The following HCLS1 variants were observed in gnomAD, a reference collection of about 807,000 sequenced individuals.
The protein encoded by HCLS1 is hematopoietic cell-specific Lyn substrate 1, also known as hematopoietic lineage cell-specific protein.
In HCLS1, 44 loss-of-function variants were observed where a neutral mutation model predicts 68.6. That is an observed-to-expected ratio of 0.64 (90% CI 0.50 to 0.82). HCLS1 has a LOEUF of 0.82. HCLS1 is among the 40% of genes least tolerant of loss of function. The pLI, the probability that HCLS1 is intolerant of heterozygous loss-of-function variation, is 0.00. For missense variants in HCLS1, 602 were observed against 612.1 expected (o/e 0.98, Z 0.17); for synonymous variants, 217 against 225.8 (o/e 0.96, Z 0.35).
intron 3 of HCLS1, among the ~76,000 whole-genome samples, chr3:121,656,450 G>A (rs1433870158): frequency 6.6e-6 from 1 of 152,200 alleles, no homozygotes; most frequent in African/African-American, 2.4e-5. Flanking sequence ...GTCCTGGTTA[G>A]ATGATCCTGA....
intron 9 of HCLS1, among the ~76,000 whole-genome samples, chr3:121,635,188 CTCTT>C (rs1216493349): frequency 1.6e-4 from 24 of 151,690 alleles, no homozygotes; most frequent in Non-Finnish European, 3.1e-4. Context: ...TTGACTTTCT[CTCTT>C]TCTTTCTTTT....
chr3:121,631,801 C>A lies in HCLS1; in HGVS notation c.*45G>T. 6.2e-7 allele frequency: 1 copy of A among 1,609,714 alleles called. No individual in the cohort carries two copies. Among genetic ancestry groups the A allele is most frequent in the Non-Finnish European group, 8.5e-7 (1 of 1,176,566 alleles). ...TAGGGAGGGGGTGGAGGCAGAGCCA[C>A]TTTGGACATGGGAAATCACAGTTGC... On this transcript the variant is annotated 3_prime_UTR_variant, in exon 14 of 14. Coordinates refer to ENST00000314583, the MANE Select transcript of HCLS1 (RefSeq NM_005335.6).
At chr3:121,652,590 G>A (rs1168329997) in intron 3 of HCLS1, among the ~76,000 whole-genome samples, 1 of 152,038 alleles carries the variant, frequency 6.6e-6, no homozygotes, top group Non-Finnish European at 1.5e-5. Flanking sequence ...GGAGGCAGAG[G>A]CGGAGGTTTC....
At position 121,644,765 on chromosome 3, in the gene HCLS1, G is replaced by A. The variant is rs780025745; in HGVS notation, c.399+53C>T. The A allele has an allele frequency of 3.2e-6, 4 of 1,266,056 alleles. No homozygotes were observed. In the African/African-American group the frequency reaches 4.4e-5, roughly 14 times the overall value. The allele number at this position is 1,266,056 out of a possible 1,614,324, so 78.4% of individuals were successfully genotyped here. A position where few individuals can be genotyped will look rare whatever the true frequency, so the allele number is the denominator to read the frequency against. ...TGCCTCCATCCAGGGGTGATCGTGGGCAATTTTCACAGGACTGGAGGTGGG... is the reference window on the plus strand; with the variant it reads ...TGCCTCCATCCAGGGGTGATCGTGGACAATTTTCACAGGACTGGAGGTGGG... On this transcript the variant is annotated intron_variant, in intron 5 of 13. Transcript: ENST00000314583.
chr3:121,633,536 T>C (rs1370122225), intron 10 of HCLS1, among the ~76,000 whole-genome samples: 3 of 150,798 alleles, frequency 2.0e-5, no homozygotes, highest in African/African-American at 7.3e-5. Flanking sequence ...TTCATTCTTT[T>C]TATTTTATTT....
intron 7 of HCLS1, among the ~76,000 whole-genome samples, chr3:121,636,748 T>C (rs1444441911): frequency 2.0e-5 from 3 of 151,700 alleles, no homozygotes; most frequent in Admixed American, 2.0e-4. Flanking sequence ...GTAAAAGAAA[T>C]AGGAAAAAAT....
chr3:121,639,227 T>G (rs577433573), intron 6 of HCLS1, among the ~76,000 whole-genome samples: 1 of 152,214 alleles, frequency 6.6e-6, no homozygotes, highest in Non-Finnish European at 1.5e-5. Flanking sequence ...TTGACTCTTA[T>G]ACAACACTAT....
intron 4 of HCLS1, among the ~76,000 whole-genome samples, chr3:121,646,295 TA>T (rs1289935719): frequency 9.3e-6 from 1 of 107,922 alleles, no homozygotes; most frequent in Non-Finnish European, 1.7e-5. Context: ...TTATGTATTA[TA>T]TTTTATATAC....
chr3:121,643,739 A>C (rs1029885173), intron 5 of HCLS1: 1 of 152,226 alleles, frequency 6.6e-6, no homozygotes, highest in Non-Finnish European at 1.5e-5. Flanking sequence ...TTAAGAACTA[A>C]TTAACATGTA....
Position 121,645,615 on chromosome 3 carries a change from C to A in HCLS1, c.289-687G>T, listed in dbSNP as rs547389142. 4.9e-4 allele frequency among the ~76,000 whole-genome samples: 74 copies of A among 152,178 alleles called. 1 individual carries two copies. In the South Asian group the frequency reaches 0.015, roughly 31 times the overall value. ...AGTTACAATGTGGTTGGGGCTACAA[C>A]AGGCCAGCAGTTCTAATATCTTGGT... On this transcript the variant is annotated intron_variant, in intron 4 of 13. Transcript: ENST00000314583.
chr3:121,632,256 C>T (rs1027451029), intron 12 of HCLS1, 72 bp from the exon 13 acceptor site: 15 of 1,599,340 alleles, frequency 9.4e-6, no homozygotes, highest in Admixed American at 1.7e-5. Context: ...CCTACTGGGG[C>T]AATAGAGAAA....
chr3:121,633,038 G>T, intron 11 of HCLS1, 29 bp downstream of exon 11: 1 of 1,454,908 alleles, frequency 6.9e-7, no homozygotes, highest in Non-Finnish European at 9.6e-7. Context: ...GATGGGGTGG[G>T]GGCAGAGAAT....
chr3:121,646,017 A>G (rs1286359878), intron 4 of HCLS1, among the ~76,000 whole-genome samples: 2 of 132,624 alleles, frequency 1.5e-5, no homozygotes, highest in Non-Finnish European at 3.1e-5. Flanking sequence ...ATTTATAAAT[A>G]ATTATATAAG....
At chr3:121,645,994 T>C (rs1422927627) in intron 4 of HCLS1, among the ~76,000 whole-genome samples, 1 of 134,584 alleles carries the variant, frequency 7.4e-6, no homozygotes, top group East Asian at 2.1e-4. Context: ...TAATAATATA[T>C]ATTTATAAAT....
At chr3:121,655,987 T>G (rs1937859710) in intron 3 of HCLS1, 1 of 151,932 alleles carries the variant, frequency 6.6e-6, no homozygotes, top group Non-Finnish European at 1.5e-5. Flanking sequence ...TAGCTGGGAT[T>G]ACAGGTGCCC....
intron 9 of HCLS1, 140 bp from the exon 10 acceptor site, chr3:121,634,558 AG>A (rs2049131568): frequency 1.3e-6 from 1 of 765,520 alleles, no homozygotes; most frequent in African/African-American, 1.7e-5. Flanking sequence ...AGGTATCGAT[AG>A]AGGAACAAGG....
intron 6 of HCLS1, among the ~76,000 whole-genome samples, chr3:121,642,283 C>A (rs1192597119): frequency 3.5e-5 from 5 of 144,058 alleles, no homozygotes; most frequent in Non-Finnish European, 7.6e-5. Flanking sequence ...CACAGTGAAA[C>A]CCCGTCTCTA....
intron 2 of HCLS1, among the ~76,000 whole-genome samples, chr3:121,657,603 G>A (rs569786266): frequency 1.3e-5 from 2 of 152,120 alleles, no homozygotes; most frequent in Admixed American, 6.6e-5. Flanking sequence ...ATCTCTTTAG[G>A]TCAGGAGCTC....
At chr3:121,649,383 G>C (rs760508122) in intron 3 of HCLS1, among the ~76,000 whole-genome samples, 1 of 152,104 alleles carries the variant, frequency 6.6e-6, no homozygotes, top group African/African-American at 2.4e-5. Flanking sequence ...TTACAGGCAT[G>C]CATGTCATGC....
Sources: gnomAD v4.1 joint callset for allele counts (sites outside exome capture counted in the v4.1 genomes callset) on GRCh38, gnomAD v4.1.1 for gene constraint, MANE v1.5 for transcripts, NCBI Gene and HGNC (gene_info 2026-07-23, HGNC 2026-07-21) for gene names.